ATP8A1: variants seen among roughly 807,000 people sequenced by gnomAD.
ATP8A1 encodes the protein ATPase phospholipid transporting 8A1, also known as phospholipid-transporting ATPase IA.
Under a neutral mutation model 177.7 loss-of-function variants are expected in ATP8A1, and 90 were observed. That is an observed-to-expected ratio of 0.51 (90% CI 0.43 to 0.60). The LOEUF (loss-of-function observed/expected upper bound fraction) is 0.60. ATP8A1 is among the 20% of genes least tolerant of loss of function. The pLI is 0.00. For missense variants in ATP8A1, 1,072 were observed against 1,392.8 expected, an observed-to-expected ratio of 0.77 and a Z score of 3.67; for synonymous variants, 493 against 485.9, an observed-to-expected ratio of 1.01 and a Z score of -0.19.
chr4:42,636,156 A>ACACACACACGCGCGCGCGTGCGCG (rs565139270), intron 1 of ATP8A1, among the ~76,000 whole-genome samples: 16 of 90,898 alleles, frequency 1.8e-4, no homozygotes, highest in Admixed American at 7.3e-4. Flanking sequence ...ACACACACAC[A>ACACACACACGCGCGCGCGTGCGCG]CGCACACACA....
intron 24 of ATP8A1, among the ~76,000 whole-genome samples, chr4:42,493,773 T>C (rs1722965059): frequency 6.6e-6 from 1 of 152,154 alleles, no homozygotes; most frequent in Non-Finnish European, 1.5e-5. Flanking sequence ...ATCTATTTTG[T>C]AGAGAGATTA....
chr4:42,526,891 C>T (rs1445203907), intron 20 of ATP8A1, among the ~76,000 whole-genome samples: 1 of 152,084 alleles, frequency 6.6e-6, no homozygotes, highest in Non-Finnish European at 1.5e-5. Flanking sequence ...AAGGACTCTA[C>T]CTGTAGTATG....
intron 20 of ATP8A1, among the ~76,000 whole-genome samples, chr4:42,531,345 C>T (rs1207772261): frequency 1.3e-5 from 2 of 152,168 alleles, no homozygotes; most frequent in Admixed American, 6.5e-5. Flanking sequence ...AAAGGGAAAA[C>T]AGAATGGGTA....
At chr4:42,526,301 C>T (rs1055032297) in intron 20 of ATP8A1, among the ~76,000 whole-genome samples, 4 of 152,058 alleles carry the variant, frequency 2.6e-5, no homozygotes, top group African/African-American at 4.8e-5. Flanking sequence ...GAAAATGGGT[C>T]GGCTAGCCAT....
At chr4:42,583,309 G>C (rs1733290902) in intron 9 of ATP8A1, among the ~76,000 whole-genome samples, 1 of 152,184 alleles carries the variant, frequency 6.6e-6, no homozygotes, top group African/African-American at 2.4e-5. Flanking sequence ...ATGTACAATA[G>C]CATGCCTTTA....
At chr4:42,542,600 C>A (rs756297518) in intron 20 of ATP8A1, among the ~76,000 whole-genome samples, 43 of 152,130 alleles carry the variant, frequency 2.8e-4, no homozygotes, top group Non-Finnish European at 4.9e-4. Context: ...CTCAGCCCCC[C>A]ACCCTGCAAC....
intron 15 of ATP8A1, among the ~76,000 whole-genome samples, chr4:42,568,615 A>G (rs1731588619): frequency 6.6e-6 from 1 of 152,230 alleles, no homozygotes; most frequent in African/African-American, 2.4e-5. Flanking sequence ...GCCAAAATTA[A>G]ATATACTAAA....
At chr4:42,656,368 C>T (rs542525181) in intron 1 of ATP8A1, among the ~76,000 whole-genome samples, 1 of 152,214 alleles carries the variant, frequency 6.6e-6, no homozygotes, top group African/African-American at 2.4e-5. Context: ...AGGCTCCCCG[C>T]GCTTCGAGAG....
At chr4:42,443,948 C>T (rs1188948598) in intron 32 of ATP8A1, among the ~76,000 whole-genome samples, 1 of 152,092 alleles carries the variant, frequency 6.6e-6, no homozygotes, top group Admixed American at 6.6e-5. Flanking sequence ...TTTTTTACCC[C>T]TGAACATTTG....
chr4:42,563,461 A>G (rs929245888), intron 15 of ATP8A1, among the ~76,000 whole-genome samples: 5 of 152,248 alleles, frequency 3.3e-5, no homozygotes, highest in African/African-American at 9.6e-5. Context: ...GTGATAGAAA[A>G]GAAAAACCTA....
At chr4:42,635,776 CACACACATATATATAT>C (rs1223269611) in intron 1 of ATP8A1, among the ~76,000 whole-genome samples, 7 of 37,210 alleles carry the variant, frequency 1.9e-4, no homozygotes, top group African/African-American at 8.1e-4. Context: ...CACACACACA[CACACACATATATATAT>C]ATATATATAT....
intron 19 of ATP8A1, among the ~76,000 whole-genome samples, chr4:42,544,808 G>A (rs1277283355): frequency 6.6e-6 from 1 of 152,150 alleles, no homozygotes; most frequent in Non-Finnish European, 1.5e-5. Flanking sequence ...ATATGCAGAA[G>A]CAGTCAGTTA....
chr4:42,583,453 CGT>C lies in ATP8A1; in HGVS notation c.723-1723_723-1722del, dbSNP rs746666558. ...AAGCTGCACTATGCTCTGGGACACA[CGT>C]GTGACAACTGTTCCTTACCCAGCCA... is the stretch of plus-strand genomic sequence containing the variant. On this transcript the variant is annotated intron_variant, in intron 9 of 36. Transcript: ENST00000381668. Among the ~76,000 whole-genome samples the C allele has an allele frequency of 3.3e-5, 5 of 152,168 alleles. No homozygotes were observed. In the East Asian group the frequency reaches 7.7e-4, roughly 23 times the overall value.
rs188248885 is a variant in ATP8A1 at position 42,461,463 on chromosome 4, G to A, written c.2619+3227C>T. Among the ~76,000 whole-genome samples, 10 of 152,146 alleles carry A rather than the reference G, an allele frequency of 6.6e-5. No homozygotes were observed. The East Asian group carries it at 1.5e-3, about 24-fold the overall frequency. On this transcript the variant is annotated intron_variant, in intron 27 of 36. Coordinates refer to ENST00000381668, the MANE Select transcript of ATP8A1 (RefSeq NM_006095.2). ...CAAGAGATTTGATGGTTTTGAAAAG[G>A]GGAGTTCCCCTGCACAAGTTCTCTT...
chr4:42,614,412 C>T (rs191493199), intron 5 of ATP8A1, among the ~76,000 whole-genome samples: 27 of 152,320 alleles, frequency 1.8e-4, no homozygotes, highest in Middle Eastern at 3.4e-3. Context: ...CTGAGCAATA[C>T]GGCAACAAAT....
At chr4:42,653,943 C>T (rs1287458304) in intron 1 of ATP8A1, among the ~76,000 whole-genome samples, 1 of 152,218 alleles carries the variant, frequency 6.6e-6, no homozygotes, top group Non-Finnish European at 1.5e-5. Context: ...TCAACACTCT[C>T]CTAACTACAG....
At chr4:42,606,954 C>T (rs1735854642) in intron 5 of ATP8A1, among the ~76,000 whole-genome samples, 1 of 152,162 alleles carries the variant, frequency 6.6e-6, no homozygotes, top group Non-Finnish European at 1.5e-5. Context: ...CTTATCCATT[C>T]CTTGAATTTT....
chr4:42,520,351 C>A (rs1411113626), intron 22 of ATP8A1, among the ~76,000 whole-genome samples: 1 of 151,144 alleles, frequency 6.6e-6, no homozygotes, highest in African/African-American at 2.5e-5. Flanking sequence ...CATTTCCAAA[C>A]TGGATTTTTT....
In ATP8A1 at chr4:42,423,673, C is replaced by T; in HGVS notation, c.3156G>A (p.Trp1052Ter). The T allele has an allele frequency of 6.2e-7, 1 of 1,612,584 alleles. No individual in the cohort carries two copies. Among genetic ancestry groups the T allele is most frequent in the Non-Finnish European group, 8.5e-7 (1 of 1,179,404 alleles). Reference sequence around the variant, plus strand: ...CCACAGGGATGAATAACAAGCCCATCCAAAAGACTCCAGAACTGAACAACA... The same window carrying T: ...CCACAGGGATGAATAACAAGCCCATTCAAAAGACTCCAGAACTGAACAACA... ...AAMLFSSGVF[W>*]MGLLFIPVAS... Residue 1052 changes from tryptophan (W) to a stop codon, truncating the protein, a stop_gained, in exon 34 of 37, where the codon TGG becomes TGA. Coordinates refer to ENST00000381668, the MANE Select transcript of ATP8A1 (RefSeq NM_006095.2). LOFTEE classifies it high-confidence loss of function.
Sources: allele counts gnomAD v4.1 joint callset (sites outside exome capture counted in the v4.1 genomes callset), GRCh38; gene constraint gnomAD v4.1.1; transcripts MANE v1.5; gene names NCBI Gene and HGNC (gene_info 2026-07-23, HGNC 2026-07-21).